The following NRXN3 variants were observed in gnomAD, a reference collection of about 807,000 sequenced individuals.
NRXN3 encodes the protein neurexin III.
NRXN3 carries 32 observed loss-of-function variants against 137.6 expected under a neutral mutation model. The observed-to-expected ratio is 0.23, with a 90% CI of 0.18 to 0.31. The LOEUF is 0.31. NRXN3 is among the 10% of genes least tolerant of loss of function. The probability of loss-of-function intolerance (pLI) is 1.00; values close to 1 mark genes in which losing one functional copy is unlikely to be tolerated. For missense variants in NRXN3, 1,574 were observed against 2,062.5 expected (o/e 0.76, Z 4.59); for synonymous variants, 798 against 784.5 (o/e 1.02, Z -0.29).
chr14:79,210,422 A>G (rs1174124630), intron 15 of NRXN3, among the ~76,000 whole-genome samples: 1 of 152,170 alleles, frequency 6.6e-6, no homozygotes, highest in Non-Finnish European at 1.5e-5. Flanking sequence ...CTGTCTTGTG[A>G]AGAAACCCAT....
intron 19 of NRXN3, among the ~76,000 whole-genome samples, chr14:79,734,177 C>T (rs761339520): frequency 4.6e-5 from 7 of 152,154 alleles, no homozygotes; most frequent in South Asian, 2.1e-4. Flanking sequence ...TTTGCCAATC[C>T]GGCCAACACC....
intron 6 of NRXN3, 126 bp downstream of exon 6, chr14:78,651,452 C>A (rs1057033863): frequency 7.1e-6 from 8 of 1,131,886 alleles, no homozygotes; most frequent in Non-Finnish European, 8.7e-6. Context: ...GCAGAAACAA[C>A]CTTGAACTTG....
chr14:78,864,310 A>G (rs574218649), intron 10 of NRXN3, among the ~76,000 whole-genome samples: 5 of 152,254 alleles, frequency 3.3e-5, no homozygotes, highest in African/African-American at 1.2e-4. Flanking sequence ...TAACCATGTA[A>G]TCTTGGGTAA....
chr14:78,910,071 C>T (rs1446366702), intron 10 of NRXN3, among the ~76,000 whole-genome samples: 1 of 152,000 alleles, frequency 6.6e-6, no homozygotes, highest in African/African-American at 2.4e-5. Flanking sequence ...GTTGTCCATT[C>T]CTGTCTTATT....
At chr14:79,232,285 T>A (rs777598300) in intron 15 of NRXN3, among the ~76,000 whole-genome samples, 5 of 152,110 alleles carry the variant, frequency 3.3e-5, no homozygotes, top group Non-Finnish European at 7.4e-5. Flanking sequence ...TATGTGTGTG[T>A]GCGTGCTCCA....
At chr14:78,474,852 C>T (rs1363652663) in intron 4 of NRXN3, among the ~76,000 whole-genome samples, 1 of 152,226 alleles carries the variant, frequency 6.6e-6, no homozygotes, top group African/African-American at 2.4e-5. Context: ...ACTTTTGCAT[C>T]CTGCATACAT....
At chr14:79,517,055 G>A (rs2096993711) in intron 16 of NRXN3, among the ~76,000 whole-genome samples, 1 of 149,842 alleles carries the variant, frequency 6.7e-6, no homozygotes, top group African/African-American at 2.5e-5. Context: ...TAGAAGGATT[G>A]CCAAATTGTC....
intron 4 of NRXN3, among the ~76,000 whole-genome samples, chr14:78,488,954 G>A (rs937962106): frequency 6.6e-6 from 1 of 152,100 alleles, no homozygotes; most frequent in Non-Finnish European, 1.5e-5. Context: ...ACTTACCATG[G>A]ATTGAAAAAG....
chr14:78,786,126 G>A (rs1459480438), intron 8 of NRXN3, among the ~76,000 whole-genome samples: 1 of 152,166 alleles, frequency 6.6e-6, no homozygotes, highest in Non-Finnish European at 1.5e-5. Context: ...GCTCCACAAG[G>A]TAGGAAATTT....
chr14:79,652,818 C>A (rs1449394755), intron 16 of NRXN3, among the ~76,000 whole-genome samples: 1 of 151,898 alleles, frequency 6.6e-6, no homozygotes, highest in African/African-American at 2.4e-5. Context: ...TCATGGAGGT[C>A]ATAGGGCCGG....
In NRXN3 at chr14:78,911,050, T is replaced by A. The variant is rs947628686; in HGVS notation, c.2276-46192T>A. 3.9e-5 allele frequency among the ~76,000 whole-genome samples: 6 copies of A among 152,226 alleles called. 1 individual carries two copies. Among genetic ancestry groups the A allele is most frequent in the African/African-American group, 1.4e-4 (6 of 41,454 alleles). ...TTGTTTTCAATTTAATGCTAGACTT[T>A]ATATTAATTAAGATAATTTTATGGT... On this transcript the variant is annotated intron_variant, in intron 10 of 20. Transcript: ENST00000335750.
At chr14:79,288,730 A>G (rs1484259417) in intron 15 of NRXN3, among the ~76,000 whole-genome samples, 2 of 152,212 alleles carry the variant, frequency 1.3e-5, no homozygotes, top group Non-Finnish European at 2.9e-5. Context: ...ACACAGATTG[A>G]TGAAGCACTT....
intron 8 of NRXN3, among the ~76,000 whole-genome samples, chr14:78,777,037 A>G (rs12436340): frequency 0.082 from 12,531 of 152,204 alleles, 872 homozygotes; most frequent in African/African-American, 0.19. Context: ...AACTGAGGAC[A>G]TGAGGGAGGC....
chr14:79,788,036 T>C (rs1467487107), intron 19 of NRXN3, among the ~76,000 whole-genome samples: 1 of 151,760 alleles, frequency 6.6e-6, no homozygotes, highest in Non-Finnish European at 1.5e-5. Context: ...AGGAAAGAGG[T>C]TTAATGGACT....
chr14:78,298,193 G>A (rs1567197491), intron 4 of NRXN3, among the ~76,000 whole-genome samples: 1 of 152,216 alleles, frequency 6.6e-6, no homozygotes, highest in Non-Finnish European at 1.5e-5. Context: ...TAATTTCAGA[G>A]CAACCAAGCG....
chr14:79,316,710 T>C (rs2088793572), intron 15 of NRXN3, among the ~76,000 whole-genome samples: 1 of 147,786 alleles, frequency 6.8e-6, no homozygotes, highest in African/African-American at 2.6e-5. Flanking sequence ...GACTTTATCA[T>C]CATGTAATCT....
chr14:78,862,057 A>T (rs979888920), intron 10 of NRXN3, among the ~76,000 whole-genome samples: 1 of 152,260 alleles, frequency 6.6e-6, no homozygotes, highest in South Asian at 2.1e-4. Flanking sequence ...AACAACTAAA[A>T]CCTCTACATA....
chr14:79,453,516 T>C (rs894328392), intron 15 of NRXN3, among the ~76,000 whole-genome samples: 1 of 152,174 alleles, frequency 6.6e-6, no homozygotes, highest in African/African-American at 2.4e-5. Flanking sequence ...TCGATTTACA[T>C]AGTCTTGCAG....
At chr14:78,774,697 C>T (rs569942648) in intron 8 of NRXN3, among the ~76,000 whole-genome samples, 59 of 152,174 alleles carry the variant, frequency 3.9e-4, no homozygotes, top group Admixed American at 1.4e-3. Flanking sequence ...GCAGGCAGAT[C>T]GCTTGAGGCC....
Sources: allele counts gnomAD v4.1 joint callset (sites outside exome capture counted in the v4.1 genomes callset), GRCh38; gene constraint gnomAD v4.1.1; transcripts MANE v1.5; gene names NCBI Gene and HGNC (gene_info 2026-07-23, HGNC 2026-07-21).